Variants in CPPED1 observed in about 807,000 individuals in gnomAD.
CPPED1 encodes the protein calcineurin like phosphoesterase domain containing 1, also known as serine/threonine-protein phosphatase CPPED1.
In CPPED1, 28 loss-of-function variants were observed where a neutral mutation model predicts 28.0. The observed-to-expected ratio is 1.00, with a 90% CI of 0.74 to 1.37. The LOEUF (loss-of-function observed/expected upper bound fraction) is 1.37, where lower values mean the gene tolerates loss of function less well. CPPED1 is among the 40% of genes most tolerant of loss of function. CPPED1 has a pLI of 0.00. For missense variants in CPPED1, 504 were observed against 416.5 expected (o/e 1.21, Z -1.83); for synonymous variants, 198 against 180.2 (o/e 1.10, Z -0.79).
Position 12,704,971 on chromosome 16 carries a change from A to T in CPPED1, c.368T>A (p.Leu123His). The change falls in exon 3 of 4, where the codon CTT (leucine) becomes CAT (histidine). Residue 123 changes from leucine to histidine, a missense_variant. Leu to His is a moderately conservative substitution (Grantham distance 99). Transcript: ENST00000381774. ...RAVDRAIPLV[L>H]VSGNHDIGNT... The stretch of plus-strand genomic sequence containing the variant: ...GCCAATGTCATGGTTGCCGCTGACA[A>T]GGACCAGTGGGATGGCCCTGTCCAC... 1 of 1,614,214 alleles carries T rather than the reference A, an allele frequency of 6.2e-7. No homozygotes were observed. Among genetic ancestry groups the T allele is most frequent in the Middle Eastern group, 1.6e-4 (1 of 6,062 alleles).
At chr16:12,667,760 T>G (rs187278746) in intron 3 of CPPED1, among the ~76,000 whole-genome samples, 2 of 152,018 alleles carry the variant, frequency 1.3e-5, no homozygotes, top group African/African-American at 4.8e-5. Context: ...ATTCAAAGGA[T>G]AGATTAAGAT....
chr16:12,796,262 G>A (rs1379753361), intron 1 of CPPED1, among the ~76,000 whole-genome samples: 2 of 151,966 alleles, frequency 1.3e-5, no homozygotes, highest in Non-Finnish European at 2.9e-5. Context: ...GGGAGGCTGA[G>A]GCAAGTGGAT....
intron 3 of CPPED1, among the ~76,000 whole-genome samples, chr16:12,691,984 A>C (rs921051812): frequency 3.9e-4 from 59 of 152,104 alleles, no homozygotes; most frequent in African/African-American, 1.3e-3. Flanking sequence ...AAAAAAACAA[A>C]AACAACATAA....
chr16:12,712,547 GTTTA>G (rs2080085634), intron 2 of CPPED1, among the ~76,000 whole-genome samples: 1 of 152,130 alleles, frequency 6.6e-6, no homozygotes, highest in Non-Finnish European at 1.5e-5. Context: ...TGGCTTAAAT[GTTTA>G]TTAATAAGGA....
intron 3 of CPPED1, among the ~76,000 whole-genome samples, chr16:12,669,605 C>T (rs971592312): frequency 6.6e-6 from 1 of 152,128 alleles, no homozygotes; most frequent in African/African-American, 2.4e-5. Flanking sequence ...CTTAATATTG[C>T]TGTGGTTTCA....
chr16:12,774,018 G>A (rs1401547708), intron 2 of CPPED1, among the ~76,000 whole-genome samples: 2 of 152,216 alleles, frequency 1.3e-5, no homozygotes, highest in African/African-American at 4.8e-5. Flanking sequence ...GATGACAGCA[G>A]GCTTCCAGTC....
Position 12,662,117 on chromosome 16 carries a change from CATA to C in CPPED1, c.*2766_*2768del, listed in dbSNP as rs1302928894. The stretch of plus-strand genomic sequence containing the variant: ...TTTCTGAGCCAAAGCACTTAAAACA[CATA>C]ATAAACATTCAAAACCATAGCACTT... On this transcript the variant is annotated 3_prime_UTR_variant, in exon 4 of 4. Transcript: ENST00000381774. 6.6e-6 allele frequency: 1 copy of C among 152,208 alleles called. No homozygotes were observed. Among genetic ancestry groups the C allele is most frequent in the Non-Finnish European group, 1.5e-5 (1 of 68,046 alleles). The allele number at this position is 152,208 out of a possible 1,614,324, so 9.4% of individuals were successfully genotyped here.
chr16:12,743,978 G>T (rs2080269690), intron 2 of CPPED1, among the ~76,000 whole-genome samples: 1 of 151,698 alleles, frequency 6.6e-6, no homozygotes, highest in African/African-American at 2.4e-5. Flanking sequence ...AAACCAAAAA[G>T]AAAGAAAGAA....
At chr16:12,764,374 T>C (rs2080427391) in intron 2 of CPPED1, among the ~76,000 whole-genome samples, 1 of 152,104 alleles carries the variant, frequency 6.6e-6, no homozygotes, top group South Asian at 2.1e-4. Flanking sequence ...CAGCTAATTC[T>C]TGTATTTTTT....
At chr16:12,703,836 A>T (rs1220127596) in intron 3 of CPPED1, among the ~76,000 whole-genome samples, 1 of 152,202 alleles carries the variant, frequency 6.6e-6, no homozygotes, top group Non-Finnish European at 1.5e-5. Context: ...GGCCCATGGC[A>T]GGTGCTACCA....
At position 12,736,247 on chromosome 16, in the gene CPPED1, AT is replaced by A. The variant is rs35834753; in HGVS notation, c.290-31199del. ...TGAAGAAAAGGTTAAACACCTTTGG[AT>A]TTTTTTTTTTTTTTTGAGATGGAGT... On this transcript the variant is annotated intron_variant, in intron 2 of 3. Coordinates refer to ENST00000381774, the MANE Select transcript of CPPED1 (RefSeq NM_018340.3). 5.8e-3 allele frequency among the ~76,000 whole-genome samples: 828 copies of A among 141,916 alleles called. 1 individual carries two copies. The highest frequency in any genetic ancestry group is 0.019 in the Middle Eastern group (5 of 270). 93.1% of individuals were successfully genotyped at this position (141,916 alleles called of 152,430 possible).
At chr16:12,675,046 G>A (rs1049754349) in intron 3 of CPPED1, among the ~76,000 whole-genome samples, 1 of 152,168 alleles carries the variant, frequency 6.6e-6, no homozygotes, top group Non-Finnish European at 1.5e-5. Context: ...TCCCTTTCAT[G>A]CCGACAGGCC....
At chr16:12,721,753 TAA>T (rs200876974) in intron 2 of CPPED1, among the ~76,000 whole-genome samples, 10 of 131,838 alleles carry the variant, frequency 7.6e-5, no homozygotes, top group East Asian at 4.3e-4. Context: ...GATTCCGTCT[TAA>T]AAAAAAAAAA....
chr16:12,709,829 A>G lies in CPPED1; in HGVS notation c.290-4780T>C, dbSNP rs1445185668. On this transcript the variant is annotated intron_variant, in intron 2 of 3. Transcript: ENST00000381774. The surrounding 1 kb of genome is among the most constrained non-coding windows in gnomAD (Gnocchi z 4.4). ...TGCTCTCACACTCTCACTGAACATC[A>G]TACTAGAAATCCTAGCCAGTGCAAT... Among the ~76,000 whole-genome samples the G allele has an allele frequency of 1.3e-5, 2 of 152,124 alleles. No individual in the cohort carries two copies. Among genetic ancestry groups the G allele is most frequent in the East Asian group, 3.9e-4 (2 of 5,172 alleles).
intron 2 of CPPED1, among the ~76,000 whole-genome samples, chr16:12,763,179 C>A (rs1483582224): frequency 1.3e-5 from 2 of 151,638 alleles, no homozygotes; most frequent in Non-Finnish European, 2.9e-5. Context: ...GTGCAGTGAG[C>A]CGAGATGGTG....
chr16:12,729,434 T>C (rs1420822276), intron 2 of CPPED1, among the ~76,000 whole-genome samples: 1 of 152,194 alleles, frequency 6.6e-6, no homozygotes, highest in Admixed American at 6.5e-5. Context: ...AAAAAACATT[T>C]AAGAGAAAGC....
intron 3 of CPPED1, among the ~76,000 whole-genome samples, chr16:12,675,315 G>C (rs989365483): frequency 3.3e-5 from 5 of 152,222 alleles, no homozygotes; most frequent in Non-Finnish European, 5.9e-5. Context: ...ATGAACTGCT[G>C]TAAGGAGATG....
At chr16:12,781,126 C>T in intron 2 of CPPED1, 59 bp downstream of exon 2, 1 of 1,489,490 alleles carries the variant, frequency 6.7e-7, no homozygotes, top group Non-Finnish European at 9.2e-7. Context: ...TTCTCCTGCC[C>T]AAATGCAGTC....
At chr16:12,723,064 A>G (rs1015597747) in intron 2 of CPPED1, among the ~76,000 whole-genome samples, 3 of 152,146 alleles carry the variant, frequency 2.0e-5, no homozygotes, top group Admixed American at 6.5e-5. Context: ...TGATGAGAAC[A>G]GGAGGGTCGG....
Sources: allele counts gnomAD v4.1 joint callset (sites outside exome capture counted in the v4.1 genomes callset), GRCh38; gene constraint gnomAD v4.1.1; non-coding constraint Gnocchi (gnomAD v3.1); transcripts MANE v1.5; gene names NCBI Gene and HGNC (gene_info 2026-07-23, HGNC 2026-07-21).